Variants in MYBPH observed in about 807,000 individuals in gnomAD.
MYBPH encodes the protein myosin-binding protein H.
A neutral mutation model predicts 53.6 loss-of-function variants in MYBPH; 49 were observed. The observed-to-expected ratio is 0.91, with a 90% CI of 0.73 to 1.16. MYBPH has a LOEUF of 1.16. MYBPH is among the 50% of genes most tolerant of loss of function. The pLI is 0.00. For missense variants in MYBPH, 558 were observed against 624.1 expected, an observed-to-expected ratio of 0.89 and a Z score of 1.13; for synonymous variants, 239 against 249.6, an observed-to-expected ratio of 0.96 and a Z score of 0.40.
chr1:203,177,834 C>A (rs1409337548), upstream of MYBPH, among the ~76,000 whole-genome samples: 1 of 152,236 alleles, frequency 6.6e-6, no homozygotes, highest in Non-Finnish European at 1.5e-5. Flanking sequence ...GAATACTTGG[C>A]CCCACCAGCC....
rs771780435 is a variant in MYBPH, at chr1:203,175,618, C to T, written c.138G>A (p.Lys46=). 5.6e-6 allele frequency: 9 copies of T among 1,613,878 alleles called. No homozygotes were observed. The Admixed American group carries it at 1.5e-4, about 27-fold the overall frequency. Reference sequence around the variant, plus strand: ...GGGCCTGTGGGGCAGGGGCCTGCGGCTTGGGCACCTGCTCTTCTCTGGTGG... The same window carrying T: ...GGGCCTGTGGGGCAGGGGCCTGCGGTTTGGGCACCTGCTCTTCTCTGGTGG... The part of the protein sequence containing the change: ...SESTREEQVP[K]PQAPAPQAPT... Residue 46 remains lysine (K), a synonymous_variant, in exon 1 of 11, where the codon AAG becomes AAA. Coordinates refer to ENST00000255416, the MANE Select transcript of MYBPH (RefSeq NM_004997.3).
chr1:203,171,860 A>G lies in MYBPH; in HGVS notation c.597+92T>C. On this transcript the variant is annotated intron_variant, in intron 4 of 10. Coordinates refer to ENST00000255416, the MANE Select transcript of MYBPH (RefSeq NM_004997.3). This position sits in a 1 kb window ranked among gnomAD's most constrained non-coding sequence, Gnocchi z 4.2. ...AGCCGTCTCGCTGGGTCTCAGCTGG[A>G]CCCTTGGAGACCCTGCCATCTCCCA... 1.2e-6 allele frequency: 1 copy of G among 826,714 alleles called. No individual in the cohort carries two copies. The highest frequency in any genetic ancestry group is 3.9e-5 in the South Asian group (1 of 25,368). 51.2% of individuals were successfully genotyped at this position (826,714 alleles called of 1,614,324 possible).
chr1:203,175,306 A>G (rs1558145661), intron 2 of MYBPH, 21 bp downstream of exon 2: 1 of 1,515,092 alleles, frequency 6.6e-7, no homozygotes, highest in Non-Finnish European at 8.8e-7. Context: ...GGGTGTATGC[A>G]AGACTTAGCC....
In MYBPH at chr1:203,171,402, G is replaced by T; in HGVS notation, c.774C>A (p.Val258=). 1.9e-6 allele frequency: 3 copies of T among 1,613,470 alleles called. No homozygotes were observed. In the South Asian group the frequency reaches 3.3e-5, roughly 18 times the overall value. ...CCATACCAATCACCAGGATGTCAAT[G>T]ACTGCCTTGGCCTCCAGGTCTTCCA... The part of the protein sequence containing the change: ...VRVEDLEAKA[V]IDILVIEKPG... The change falls in exon 5 of 11, where the codon GTC becomes GTA. Residue 258 remains valine (V), a synonymous_variant. Transcript: ENST00000255416. The surrounding 1 kb of genome is among the most constrained non-coding windows in gnomAD (Gnocchi z 4.2).
intron 2 of MYBPH, among the ~76,000 whole-genome samples, 162 bp downstream of exon 2, chr1:203,175,165 G>A (rs1005585746): frequency 2.6e-5 from 4 of 151,278 alleles, no homozygotes; most frequent in Non-Finnish European, 5.9e-5. Flanking sequence ...TCCTGCTGGT[G>A]GAGCAAGAAA....
intron 10 of MYBPH, among the ~76,000 whole-genome samples, chr1:203,168,334 G>A (rs967716261): frequency 2.6e-5 from 4 of 152,230 alleles, no homozygotes; most frequent in African/African-American, 9.6e-5. Flanking sequence ...TTTCGGATGA[G>A]AGAATGTGTC....
Position 203,170,463 on chromosome 1 carries a change from G to A in MYBPH, c.934-13C>T, listed in dbSNP as rs777747713. 19 of 1,612,570 alleles carry A rather than the reference G, an allele frequency of 1.2e-5. No homozygotes were observed. Among genetic ancestry groups the A allele is most frequent in the South Asian group, 8.8e-5 (8 of 90,978 alleles). On this transcript the variant is annotated splice_polypyrimidine_tract_variant and intron_variant, in intron 6 of 10. Coordinates refer to ENST00000255416, the MANE Select transcript of MYBPH (RefSeq NM_004997.3). ...CTGTGAACCATTGCTGCAGGGCCCC[G>A]GGTGTCACCCTCATTTCTCACCCCT... is the stretch of plus-strand genomic sequence containing the variant.
At chr1:203,178,011 C>T (rs903358), upstream of MYBPH, among the ~76,000 whole-genome samples, 2 of 152,204 alleles carry the variant, frequency 1.3e-5, no homozygotes, top group South Asian at 2.1e-4. Flanking sequence ...TTCAAACCGG[C>T]GTCACAAACC....
At chr1:203,170,624 C>T (rs1655677297) in intron 6 of MYBPH, among the ~76,000 whole-genome samples, 174 bp from the exon 7 acceptor site, 1 of 152,148 alleles carries the variant, frequency 6.6e-6, no homozygotes, top group Non-Finnish European at 1.5e-5. Context: ...CTGGGTCACT[C>T]AGGTGACCTC....
chr1:203,168,889 C>A lies in MYBPH; in HGVS notation c.1417+17G>T, dbSNP rs113277344. On this transcript the variant is annotated intron_variant, in intron 9 of 10. Transcript: ENST00000255416. Reference sequence around the variant, plus strand: ...AGAGAGGTGCTTACTCCTGTTCTCCCGTCCTCAAACTCTCACCTTTGACCT... The same window carrying A: ...AGAGAGGTGCTTACTCCTGTTCTCCAGTCCTCAAACTCTCACCTTTGACCT... 1.1e-5 allele frequency: 18 copies of A among 1,613,030 alleles called. No individual in the cohort carries two copies. The highest frequency in any genetic ancestry group is 2.5e-6 in the Non-Finnish European group (3 of 1,179,616).
chr1:203,174,485 T>C lies in MYBPH; in HGVS notation c.453A>G (p.Ala151=). Residue 151 remains alanine (A), a synonymous_variant, in exon 3 of 11, where the codon GCA becomes GCG. Transcript: ENST00000255416. ...CCAGCATGGCCGGCGGGCCAGCCCC[T>C]GCAGAACTCACTGCAGACACGCGCA... ...FLLRVSAVSS[A]GAGPPAMLDQ... is the part of the protein sequence containing the mutation. The C allele has an allele frequency of 6.2e-7, 1 of 1,612,880 alleles. No individual in the cohort carries two copies. The highest frequency in any genetic ancestry group is 1.3e-5 in the African/African-American group (1 of 75,034).
At position 203,171,594 on chromosome 1, in the gene MYBPH, C is replaced by T; in HGVS notation, c.598-16G>A. ...TAGGCTTCCCCTGGCAGGGAGGAGC[C>T]CCCAGGGTGAGTGTAGGGAGGTGCC... is the stretch of plus-strand genomic sequence containing the variant. On this transcript the variant is annotated splice_polypyrimidine_tract_variant and intron_variant, in intron 4 of 10. Coordinates refer to ENST00000255416, the MANE Select transcript of MYBPH (RefSeq NM_004997.3). This position sits in a 1 kb window ranked among gnomAD's most constrained non-coding sequence, Gnocchi z 4.2. 2 of 1,605,260 alleles carry T rather than the reference C, an allele frequency of 1.2e-6. No individual in the cohort carries two copies. Among genetic ancestry groups the T allele is most frequent in the East Asian group, 2.2e-5 (1 of 44,566 alleles).
At chr1:203,169,764 C>G (rs1376935561) in intron 7 of MYBPH, among the ~76,000 whole-genome samples, 1 of 152,226 alleles carries the variant, frequency 6.6e-6, no homozygotes, top group Non-Finnish European at 1.5e-5. Flanking sequence ...GGAACCCACA[C>G]AGACTGTGGG....
At chr1:203,170,918 A>G (rs1416893385) in intron 6 of MYBPH, 143 bp downstream of exon 6, 4 of 1,157,094 alleles carry the variant, frequency 3.5e-6, no homozygotes, top group African/African-American at 1.6e-5. Flanking sequence ...GAGTCTTGCT[A>G]AGGGCCTCCT....
At chr1:203,177,155 A>G (rs1032851888), upstream of MYBPH, among the ~76,000 whole-genome samples, 2 of 152,188 alleles carry the variant, frequency 1.3e-5, no homozygotes, top group Non-Finnish European at 2.9e-5. Context: ...TCCCTTCTTC[A>G]AGGTACATCC....
upstream of MYBPH, among the ~76,000 whole-genome samples, chr1:203,176,558 G>A (rs868579124): frequency 2.6e-5 from 4 of 152,252 alleles, no homozygotes; most frequent in Non-Finnish European, 5.9e-5. Context: ...GGCAGATCTG[G>A]AAGATGCCCT....
intron 2 of MYBPH, 22 bp downstream of exon 2, chr1:203,175,305 C>A (rs1655784882): frequency 6.6e-7 from 1 of 1,515,498 alleles, no homozygotes; most frequent in Non-Finnish European, 8.8e-7. Context: ...TGGGTGTATG[C>A]AAGACTTAGC....
upstream of MYBPH, among the ~76,000 whole-genome samples, chr1:203,177,936 G>C (rs1655846581): frequency 6.6e-6 from 1 of 152,262 alleles, no homozygotes; most frequent in African/African-American, 2.4e-5. Flanking sequence ...CTGTGACCTT[G>C]GGATCAGTAG....
At chr1:203,178,339 C>A (rs1655855552), upstream of MYBPH, among the ~76,000 whole-genome samples, 1 of 152,236 alleles carries the variant, frequency 6.6e-6, no homozygotes, top group African/African-American at 2.4e-5. Context: ...AAGGGCTAAG[C>A]CCAGCACTAG....
Sources: gnomAD v4.1 joint callset for allele counts (sites outside exome capture counted in the v4.1 genomes callset) on GRCh38, gnomAD v4.1.1 for gene constraint, Gnocchi (gnomAD v3.1) non-coding constraint, MANE v1.5 for transcripts, NCBI Gene and HGNC (gene_info 2026-07-23, HGNC 2026-07-21) for gene names.